BRAP: variants seen among roughly 807,000 people sequenced by gnomAD.
BRAP encodes BRCA1-associated protein.
A neutral mutation model predicts 73.4 loss-of-function variants in BRAP; 42 were observed. The observed-to-expected ratio is 0.57, with a 90% CI of 0.45 to 0.74. The LOEUF (loss-of-function observed/expected upper bound fraction) is 0.74. Ranked by LOEUF, BRAP falls within the 30% of genes least tolerant of loss-of-function variation. BRAP has a pLI of 0.00. For missense variants in BRAP, 593 were observed against 751.4 expected (o/e 0.79, Z 2.46); for synonymous variants, 255 against 267.4 (o/e 0.95, Z 0.45).
chr12:111,656,637 C>A (rs1247464243), intron 9 of BRAP, among the ~76,000 whole-genome samples: 1 of 152,228 alleles, frequency 6.6e-6, no homozygotes, highest in African/African-American at 2.4e-5. Flanking sequence ...AACACCTATG[C>A]TACTGAACCC....
At chr12:111,651,175 T>A (rs1199109236) in intron 10 of BRAP, among the ~76,000 whole-genome samples, 2,210 of 152,074 alleles carry the variant, frequency 0.015, 68 homozygotes, top group African/African-American at 0.05. Flanking sequence ...ACCTTTCTTT[T>A]TAATCATTTT....
rs966694970 is a variant in BRAP, at chr12:111,683,279, T to G, written c.111A>C (p.Lys37Asn). The change falls in exon 2 of 12, where the codon AAA (lysine) becomes AAC (asparagine). Residue 37 changes from lysine to asparagine, a missense_variant. Around this residue, in one of 4 missense-constraint regions of BRAP, gnomAD observed 304 missense variants for 337.7 expected, o/e 0.90. Coordinates refer to ENST00000419234, the MANE Select transcript of BRAP (RefSeq NM_006768.5). ...AAGEMSDEEI[K>N]KTTLASAVAC... The stretch of plus-strand genomic sequence containing the variant: ...CTACAGCTGAGGCTAGTGTCGTCTT[T>G]TTTATCTCCTCATCAGACATTTCCC... The G allele has an allele frequency of 5.6e-6, 9 of 1,612,374 alleles. No individual in the cohort carries two copies. The African/African-American group carries it at 1.2e-4, about 22-fold the overall frequency.
At chr12:111,673,328 A>T (rs1487655635) in intron 4 of BRAP, 1 of 152,310 alleles carries the variant, frequency 6.6e-6, no homozygotes, top group Non-Finnish European at 1.5e-5. Context: ...AACATGGAGA[A>T]ACCCTGTCTC....
At chr12:111,664,370 T>C (rs1006806945) in intron 6 of BRAP, among the ~76,000 whole-genome samples, 1 of 151,828 alleles carries the variant, frequency 6.6e-6, no homozygotes, top group African/African-American at 2.4e-5. Context: ...GAACAAAGAA[T>C]TGCCTAGAAC....
intron 10 of BRAP, among the ~76,000 whole-genome samples, chr12:111,655,029 A>G (rs796244610): frequency 1.2e-4 from 18 of 152,304 alleles, no homozygotes; most frequent in African/African-American, 4.3e-4. Flanking sequence ...GTTTCCACCA[A>G]AATCATACCA....
chr12:111,671,858 G>C (rs1271965696), intron 5 of BRAP, among the ~76,000 whole-genome samples: 12 of 151,626 alleles, frequency 7.9e-5, no homozygotes, highest in Admixed American at 5.3e-4. Flanking sequence ...GCTAATTTTT[G>C]TATTTTTTGT....
chr12:111,653,588 GA>G (rs1345102778), intron 10 of BRAP, among the ~76,000 whole-genome samples: 1 of 152,142 alleles, frequency 6.6e-6, no homozygotes, highest in Non-Finnish European at 1.5e-5. Context: ...GGCACTGGGG[GA>G]AAGAAACAGT....
chr12:111,658,172 C>T (rs1318620567), intron 9 of BRAP, among the ~76,000 whole-genome samples: 3 of 151,944 alleles, frequency 2.0e-5, no homozygotes, highest in East Asian at 1.9e-4. Context: ...TCAGGTGATT[C>T]GCCTGCCTCA....
intron 9 of BRAP, among the ~76,000 whole-genome samples, chr12:111,656,350 T>C (rs1886533504): frequency 6.6e-6 from 1 of 152,128 alleles, no homozygotes; most frequent in Non-Finnish European, 1.5e-5. Flanking sequence ...GAGATCCGAG[T>C]CCAGAGAACT....
rs1452825661 is a variant in BRAP, at chr12:111,658,729, C to G, written c.1221+7G>C. 2.0e-6 allele frequency: 3 copies of G among 1,531,252 alleles called. No individual in the cohort carries two copies. Among genetic ancestry groups the G allele is most frequent in the Non-Finnish European group, 2.7e-6 (3 of 1,106,004 alleles). 94.9% of individuals were successfully genotyped at this position (1,531,252 alleles called of 1,614,324 possible). ...CAGATAGAGTGATAACTCATTAAATCTCTTACCTCTAACTGTAAGGCATCT... is the reference window on the plus strand; with the variant it reads ...CAGATAGAGTGATAACTCATTAAATGTCTTACCTCTAACTGTAAGGCATCT... On this transcript the variant is annotated splice_region_variant and intron_variant, in intron 9 of 11. Coordinates refer to ENST00000419234, the MANE Select transcript of BRAP (RefSeq NM_006768.5).
chr12:111,675,683 T>C lies in BRAP; in HGVS notation c.634-2909A>G, dbSNP rs373238393. On this transcript the variant is annotated intron_variant, in intron 4 of 11. Transcript: ENST00000419234. ...CCCAAAACTTTAAATAAACCTGGCT[T>C]TTGTTTCCCTCTAGTCCTTTGGTTT... 2.1e-3 allele frequency among the ~76,000 whole-genome samples: 313 copies of C among 151,994 alleles called. 2 individuals are homozygous for C. Among genetic ancestry groups the C allele is most frequent in the African/African-American group, 7.2e-3 (300 of 41,468 alleles).
intron 4 of BRAP, among the ~76,000 whole-genome samples, chr12:111,677,156 G>A (rs1887414102): frequency 6.6e-6 from 1 of 152,192 alleles, no homozygotes; most frequent in South Asian, 2.1e-4. Flanking sequence ...GGCAGTACTT[G>A]TTATAGGGAA....
chr12:111,682,398 T>G (rs1261365736), intron 2 of BRAP, among the ~76,000 whole-genome samples: 1 of 145,926 alleles, frequency 6.9e-6, no homozygotes, highest in African/African-American at 2.6e-5. Flanking sequence ...CTTGGGAGGC[T>G]GAGAGAGGAA....
intron 3 of BRAP, among the ~76,000 whole-genome samples, chr12:111,680,700 AC>A (rs1444884549): frequency 6.4e-5 from 4 of 62,340 alleles, no homozygotes; most frequent in African/African-American, 5.9e-4. Flanking sequence ...TCAAAAAAAA[AC>A]AAAACAAAAA....
At chr12:111,655,694 T>C (rs778819161) in intron 9 of BRAP, 39 bp from the exon 10 acceptor site, 1 of 1,479,572 alleles carries the variant, frequency 6.8e-7, no homozygotes, top group Non-Finnish European at 9.4e-7. Context: ...TGTAAGTCAC[T>C]GTTGTCAGCC....
chr12:111,674,684 G>A (rs1196198446), intron 4 of BRAP, among the ~76,000 whole-genome samples: 2 of 152,182 alleles, frequency 1.3e-5, no homozygotes, highest in Admixed American at 6.6e-5. Flanking sequence ...TCCGTGTATT[G>A]AGCATAGTGC....
rs748418829 is a variant in BRAP at position 111,678,686 on chromosome 12, AT to A, written c.633+464del. Among the ~76,000 whole-genome samples the A allele has an allele frequency of 8.1e-3, 1,022 of 125,954 alleles. 7 individuals carry two copies. Among genetic ancestry groups the A allele is most frequent in the African/African-American group, 0.026 (870 of 32,926 alleles). 82.6% of individuals were successfully genotyped at this position (125,954 alleles called of 152,430 possible). ...AGAAACAAACAAAAAAACACACTAG[AT>A]TTTTTTTTTTTTTTTTTTTGAGACG... is the stretch of plus-strand genomic sequence containing the variant. On this transcript the variant is annotated intron_variant, in intron 4 of 11. Coordinates refer to ENST00000419234, the MANE Select transcript of BRAP (RefSeq NM_006768.5).
At chr12:111,670,680 G>A (rs1353566818) in intron 5 of BRAP, among the ~76,000 whole-genome samples, 1 of 152,172 alleles carries the variant, frequency 6.6e-6, no homozygotes, top group African/African-American at 2.4e-5. Flanking sequence ...TAGTAGAGAT[G>A]AGTTTCCTCA....
intron 5 of BRAP, chr12:111,669,732 C>T (rs1267339470): frequency 3.6e-6 from 1 of 274,978 alleles, no homozygotes; most frequent in Admixed American, 5.2e-5. Flanking sequence ...AATATTTAAA[C>T]AAAAAATGAA....
Sources: allele counts gnomAD v4.1 joint callset (sites outside exome capture counted in the v4.1 genomes callset), GRCh38; gene constraint gnomAD v4.1.1; regional missense constraint gnomAD v4.1.1; transcripts MANE v1.5; gene names NCBI Gene and HGNC (gene_info 2026-07-23, HGNC 2026-07-21).